Variants in CIBAR2 observed in about 807,000 individuals in gnomAD.
The protein encoded by CIBAR2 is CBY1 interacting BAR domain containing 2, also known as CBY1-interacting BAR domain-containing protein 2.
A neutral mutation model predicts 36.2 loss-of-function variants in CIBAR2; 38 were observed. The ratio of observed to expected loss-of-function variants is 1.05; its 90% CI spans 0.81 to 1.38. The LOEUF is 1.38. CIBAR2 is among the 40% of genes most tolerant of loss of function. The pLI, the probability that CIBAR2 is intolerant of heterozygous loss-of-function variation, is 0.00. For missense variants in CIBAR2, 481 were observed against 383.4 expected, an observed-to-expected ratio of 1.25 and a Z score of -2.13; for synonymous variants, 182 against 149.5, an observed-to-expected ratio of 1.22 and a Z score of -1.58.
intron 5 of CIBAR2, among the ~76,000 whole-genome samples, 195 bp downstream of exon 5, chr16:85,107,472 A>G (rs1316368901): frequency 6.6e-6 from 1 of 152,178 alleles, no homozygotes; most frequent in Non-Finnish European, 1.5e-5. Flanking sequence ...GACTGATGGT[A>G]TCAATAATGG....
chr16:85,108,242 C>T (rs1397913450), intron 2 of CIBAR2, 143 bp from the exon 3 acceptor site: 1 of 739,090 alleles, frequency 1.4e-6, no homozygotes, highest in Non-Finnish European at 2.2e-6. Flanking sequence ...CCTCCCTTTT[C>T]CCGGTGTGTT....
Position 85,099,164 on chromosome 16 carries a change from G to C in CIBAR2, c.*21C>G. 6.6e-7 allele frequency: 1 copy of C among 1,514,204 alleles called. No individual in the cohort carries two copies. Among genetic ancestry groups the C allele is most frequent in the South Asian group, 1.3e-5 (1 of 75,840 alleles). The allele number at this position is 1,514,204 out of a possible 1,614,324, so 93.8% of individuals were successfully genotyped here. A position where few individuals can be genotyped will look rare whatever the true frequency, so the allele number is the denominator to read the frequency against. On this transcript the variant is annotated 3_prime_UTR_variant, in exon 9 of 9. Coordinates refer to ENST00000539556, the MANE Select transcript of CIBAR2 (RefSeq NM_198491.3). The stretch of plus-strand genomic sequence containing the variant: ...TCTGGGATTATTTTAAACGGCTTGG[G>C]ATTGCACTTACCCTACGTCGTTAGA...
intron 7 of CIBAR2, among the ~76,000 whole-genome samples, chr16:85,101,646 G>C (rs2073956074): frequency 1.3e-5 from 2 of 151,034 alleles, no homozygotes; most frequent in Non-Finnish European, 1.5e-5. Flanking sequence ...GCTTTTTATT[G>C]TTGTTGATCC....
chr16:85,102,847 T>C (rs889118327), intron 6 of CIBAR2, among the ~76,000 whole-genome samples: 3 of 152,014 alleles, frequency 2.0e-5, no homozygotes, highest in Non-Finnish European at 4.4e-5. Flanking sequence ...TTTTTCACTC[T>C]GGTCTGAGCT....
intron 1 of CIBAR2, among the ~76,000 whole-genome samples, chr16:85,111,415 G>A (rs1425584750): frequency 1.3e-5 from 2 of 152,218 alleles, no homozygotes; most frequent in East Asian, 1.9e-4. Flanking sequence ...CACAGCCTCT[G>A]TTCCCGCAGG....
At chr16:85,101,760 C>G (rs2073957400) in intron 7 of CIBAR2, among the ~76,000 whole-genome samples, 1 of 151,872 alleles carries the variant, frequency 6.6e-6, no homozygotes, top group African/African-American at 2.4e-5. Flanking sequence ...ACCTCCACCT[C>G]CCGGGTTCAA....
chr16:85,107,103 G>T (rs1164387260), intron 5 of CIBAR2, among the ~76,000 whole-genome samples: 2 of 151,806 alleles, frequency 1.3e-5, no homozygotes, highest in Non-Finnish European at 2.9e-5. Flanking sequence ...CCGAGACTCT[G>T]CCACTTGCCC....
Position 85,098,954 on chromosome 16 carries a change from A to G in CIBAR2, c.*231T>C, listed in dbSNP as rs1164678197. On this transcript the variant is annotated 3_prime_UTR_variant, in exon 9 of 9. Coordinates refer to ENST00000539556, the MANE Select transcript of CIBAR2 (RefSeq NM_198491.3). ...GAAATAGATAGCATAAAGAAAAACA[A>G]TCAAAACTTCAGGAAACATTGGATA... 2 of 470,274 alleles carry G rather than the reference A, an allele frequency of 4.3e-6. No individual in the cohort carries two copies. Among genetic ancestry groups the G allele is most frequent in the South Asian group, 4.0e-5 (1 of 24,766 alleles). 29.1% of individuals were successfully genotyped at this position (470,274 alleles called of 1,614,324 possible).
intron 8 of CIBAR2, among the ~76,000 whole-genome samples, chr16:85,099,647 A>C (rs1250284328): frequency 2.0e-5 from 3 of 149,930 alleles, no homozygotes; most frequent in Middle Eastern, 6.8e-3. Context: ...TTCCTGAGAC[A>C]GAGTCTCGCT....
intron 6 of CIBAR2, among the ~76,000 whole-genome samples, chr16:85,104,169 A>G (rs1158999593): frequency 6.6e-6 from 1 of 152,218 alleles, no homozygotes; most frequent in Non-Finnish European, 1.5e-5. Flanking sequence ...CTTTCCCCAA[A>G]GAATGAGGTT....
At chr16:85,102,377 C>G (rs769804054) in intron 6 of CIBAR2, 50 bp from the exon 7 acceptor site, 1 of 1,180,808 alleles carries the variant, frequency 8.5e-7, no homozygotes, top group African/African-American at 1.5e-5. Flanking sequence ...GAGAAAGAGC[C>G]CAGGGAAGCC....
chr16:85,109,174 G>T (rs1389018116), intron 2 of CIBAR2, among the ~76,000 whole-genome samples: 1 of 152,146 alleles, frequency 6.6e-6, no homozygotes, highest in Admixed American at 6.5e-5. Context: ...ACTTTGGGTG[G>T]CCGAGGTGGG....
chr16:85,098,701 A>C lies in CIBAR2; in HGVS notation c.*484T>G. ...AGCACTCTAAATAATAATAATAATA[A>C]AACGACAGCAACATCAGTAATGATA... is the stretch of plus-strand genomic sequence containing the variant. On this transcript the variant is annotated 3_prime_UTR_variant, in exon 9 of 9. Coordinates refer to ENST00000539556, the MANE Select transcript of CIBAR2 (RefSeq NM_198491.3). The C allele has an allele frequency of 3.5e-6, 3 of 866,242 alleles. No individual in the cohort carries two copies. Among genetic ancestry groups the C allele is most frequent in the Non-Finnish European group, 2.8e-6 (2 of 721,020 alleles). 53.7% of individuals were successfully genotyped at this position (866,242 alleles called of 1,614,324 possible). A position where few individuals can be genotyped will look rare whatever the true frequency, so the allele number is the denominator to read the frequency against.
chr16:85,100,357 A>C, intron 7 of CIBAR2, 117 bp from the exon 8 acceptor site: 2 of 624,540 alleles, frequency 3.2e-6, no homozygotes, highest in African/African-American at 1.8e-5. Flanking sequence ...TGCTCATGGA[A>C]CTCCACGGTC....
At chr16:85,105,517 C>G in intron 5 of CIBAR2, 86 bp from the exon 6 acceptor site, 1 of 992,444 alleles carries the variant, frequency 1.0e-6, no homozygotes, top group Non-Finnish European at 1.6e-6. Context: ...TGTCTCTAAA[C>G]CCTTCTCTCA....
chr16:85,107,995 C>T (rs1346989495), intron 3 of CIBAR2, 36 bp downstream of exon 3: 2 of 1,613,766 alleles, frequency 1.2e-6, no homozygotes, highest in Admixed American at 1.7e-5. Flanking sequence ...CAGGGCAAGA[C>T]AGGGATGCCA....
At position 85,105,314 on chromosome 16, in the gene CIBAR2, C is replaced by T. The variant is rs1228808043; in HGVS notation, c.537+13G>A. 6.3e-7 allele frequency: 1 copy of T among 1,590,904 alleles called. No homozygotes were observed. The highest frequency in any genetic ancestry group is 8.6e-7 in the Non-Finnish European group (1 of 1,161,778). ...AGCCCAGGGCGCCTCCCATCCCGGC[C>T]AACCACCCTCACCTGCAGGTCCTTG... On this transcript the variant is annotated intron_variant, in intron 6 of 8. Coordinates refer to ENST00000539556, the MANE Select transcript of CIBAR2 (RefSeq NM_198491.3).
In CIBAR2 at chr16:85,110,482, C is replaced by T. The variant is rs755871002; in HGVS notation, c.21-22G>A. ...GTCCCTGTGGAGGCGGGGACCTGAG[C>T]AGCCATTCTGGGCAGAGATGCAGGG... is the stretch of plus-strand genomic sequence containing the variant. On this transcript the variant is annotated intron_variant, in intron 1 of 8. Transcript: ENST00000539556. 7 of 1,552,192 alleles carry T rather than the reference C, an allele frequency of 4.5e-6. No individual in the cohort carries two copies. In the South Asian group the frequency reaches 4.6e-5, roughly 10 times the overall value.
At chr16:85,108,165 A>G (rs2074012550) in intron 2 of CIBAR2, 66 bp from the exon 3 acceptor site, 1 of 1,479,772 alleles carries the variant, frequency 6.8e-7, no homozygotes, top group East Asian at 2.3e-5. Flanking sequence ...CTGGGCATAT[A>G]AAGCAGAGCC....
Sources: gnomAD v4.1 joint callset for allele counts (sites outside exome capture counted in the v4.1 genomes callset) on GRCh38, gnomAD v4.1.1 for gene constraint, MANE v1.5 for transcripts, NCBI Gene and HGNC (gene_info 2026-07-23, HGNC 2026-07-21) for gene names.